The following CCDC102B variants were observed in gnomAD, a reference collection of about 807,000 sequenced individuals.
The protein encoded by CCDC102B is coiled-coil domain-containing protein 102B.
In CCDC102B, 75 loss-of-function variants were observed where a neutral mutation model predicts 57.4. That is an observed-to-expected ratio of 1.31 (90% CI 1.08 to 1.58). CCDC102B has a LOEUF of 1.58. Ranked by LOEUF, CCDC102B falls within the 40% of genes most tolerant of loss-of-function variation. CCDC102B has a pLI of 0.00. For synonymous variants in CCDC102B, 206 were observed against 201.9 expected (o/e 1.02, Z -0.17); for missense variants, 636 against 582.6 (o/e 1.09, Z -0.94).
At chr18:68,838,190 C>T (rs926589023) in intron 2 of CCDC102B, among the ~76,000 whole-genome samples, 3 of 152,142 alleles carry the variant, frequency 2.0e-5, no homozygotes, top group South Asian at 2.1e-4. Context: ...TTTATTAAAG[C>T]GCCCCATTAA....
intron 2 of CCDC102B, among the ~76,000 whole-genome samples, chr18:68,787,191 G>T (rs1431612735): frequency 1.3e-5 from 2 of 150,758 alleles, no homozygotes; most frequent in Non-Finnish European, 2.9e-5. Context: ...CTTGATCATG[G>T]TGGATAAGCT....
intron 7 of CCDC102B, among the ~76,000 whole-genome samples, chr18:69,051,263 T>C (rs555243721): frequency 1.3e-5 from 2 of 152,208 alleles, no homozygotes; most frequent in East Asian, 3.9e-4. Context: ...AACTTTAAAG[T>C]ATTACTTTTA....
chr18:68,883,145 G>T (rs1345776029), intron 5 of CCDC102B, among the ~76,000 whole-genome samples: 2 of 152,152 alleles, frequency 1.3e-5, no homozygotes, highest in Admixed American at 6.5e-5. Flanking sequence ...AAAAGGCTGG[G>T]CATGGTGGCT....
intron 4 of CCDC102B, among the ~76,000 whole-genome samples, chr18:68,873,614 A>G (rs2039319747): frequency 6.6e-6 from 1 of 152,062 alleles, no homozygotes; most frequent in Admixed American, 6.6e-5. Context: ...TACCTAACAT[A>G]TAGGATTACT....
chr18:68,951,506 C>T (rs959921927), intron 6 of CCDC102B, among the ~76,000 whole-genome samples: 8 of 152,012 alleles, frequency 5.3e-5, no homozygotes, highest in African/African-American at 1.9e-4. Context: ...TCCCTTTCTA[C>T]CTCATAAAAC....
chr18:68,917,363 A>G (rs2041111189), intron 6 of CCDC102B, among the ~76,000 whole-genome samples: 1 of 152,120 alleles, frequency 6.6e-6, no homozygotes, highest in South Asian at 2.1e-4. Flanking sequence ...CCTGGGGAGT[A>G]GCTGTGCTCA....
intron 6 of CCDC102B, among the ~76,000 whole-genome samples, chr18:68,940,362 T>C (rs1383373488): frequency 6.6e-6 from 1 of 151,862 alleles, no homozygotes; most frequent in Non-Finnish European, 1.5e-5. Context: ...AACATGCTTA[T>C]TTTCTTTTTT....
At chr18:69,010,285 A>G (rs960572146) in intron 6 of CCDC102B, among the ~76,000 whole-genome samples, 2 of 151,886 alleles carry the variant, frequency 1.3e-5, no homozygotes, top group African/African-American at 4.8e-5. Flanking sequence ...TTTATTTTAC[A>G]CTGTAAATTT....
intron 2 of CCDC102B, among the ~76,000 whole-genome samples, chr18:68,765,333 G>GAAAGA (rs2034412148): frequency 1.3e-5 from 1 of 75,846 alleles, no homozygotes; most frequent in Non-Finnish European, 2.8e-5. Context: ...AGGAAAGAAA[G>GAAAGA]AAAGAAAGAA....
Position 68,846,340 on chromosome 18 carries a change from A to G in CCDC102B, c.855A>G (p.Ile285Met). 1.3e-6 allele frequency: 2 copies of G among 1,576,938 alleles called. No individual in the cohort carries two copies. Among genetic ancestry groups the G allele is most frequent in the South Asian group, 2.3e-5 (2 of 85,504 alleles). Reference sequence around the variant, plus strand: ...TGCGCACAGCTTTGGAAAAAGAAATAGAGAGACTGGAGTCGGCTTTGTCTC... The same window carrying G: ...TGCGCACAGCTTTGGAAAAAGAAATGGAGAGACTGGAGTCGGCTTTGTCTC... ...REMRTALEKE[I>M]ERLESALSLW... Residue 285 changes from isoleucine to methionine, a missense_variant, in exon 4 of 8, where the codon ATA becomes ATG. Transcript: ENST00000360242.
intron 6 of CCDC102B, among the ~76,000 whole-genome samples, chr18:68,914,453 G>T (rs2040990828): frequency 5.9e-5 from 9 of 152,096 alleles, no homozygotes; most frequent in Admixed American, 5.2e-4. Context: ...GGTTGGAAAA[G>T]GAATGAATAC....
rs548901893 is a variant in CCDC102B at position 69,051,681 on chromosome 18, CA to C, written c.1435-2342del. 4.8e-3 allele frequency among the ~76,000 whole-genome samples: 730 copies of C among 151,340 alleles called. 3 individuals are homozygous for C. Among genetic ancestry groups the C allele is most frequent in the Non-Finnish European group, 7.0e-3 (473 of 67,762 alleles). On this transcript the variant is annotated intron_variant, in intron 7 of 7. Transcript: ENST00000360242. ...CAATGTGCAGGATCAAATAAATTAT[CA>C]AAAAAAGGGTTTGCTATCAGACTTT...
chr18:68,902,233 C>T (rs1397265339), intron 6 of CCDC102B: 1 of 152,170 alleles, frequency 6.6e-6, no homozygotes, highest in African/African-American at 2.4e-5. Flanking sequence ...AGCACAGGAT[C>T]TTTCCATAGG....
At chr18:68,926,138 A>C (rs373885891) in intron 6 of CCDC102B, among the ~76,000 whole-genome samples, 1 of 152,050 alleles carries the variant, frequency 6.6e-6, no homozygotes, top group East Asian at 1.9e-4. Flanking sequence ...ATATTTCATG[A>C]TTCTTTCTTA....
chr18:68,839,100 G>T, intron 3 of CCDC102B, 174 bp downstream of exon 3: 1 of 625,364 alleles, frequency 1.6e-6, no homozygotes, highest in East Asian at 2.8e-5. Context: ...TTAAAATGTA[G>T]TTTATAACTT....
intron 7 of CCDC102B, among the ~76,000 whole-genome samples, chr18:69,017,871 A>G (rs755327409): frequency 1.2e-4 from 19 of 152,156 alleles, no homozygotes; most frequent in Non-Finnish European, 2.4e-4. Flanking sequence ...GATTCTACAT[A>G]TGAACAGGAT....
chr18:68,765,316 G>GGAAAGAAAGAAA (rs1491473249), intron 2 of CCDC102B, among the ~76,000 whole-genome samples: 2 of 36,524 alleles, frequency 5.5e-5, no homozygotes, highest in African/African-American at 2.0e-4. Context: ...AAGGAAGGAA[G>GGAAAGAAAGAAA]GAAGGAAGGA....
At chr18:68,988,342 T>C (rs1284267380) in intron 6 of CCDC102B, among the ~76,000 whole-genome samples, 3 of 151,958 alleles carry the variant, frequency 2.0e-5, no homozygotes, top group Non-Finnish European at 4.4e-5. Context: ...GAGATAAACT[T>C]TGAGCACACC....
intron 6 of CCDC102B, among the ~76,000 whole-genome samples, chr18:68,929,259 A>C (rs527681745): frequency 1.3e-5 from 2 of 152,026 alleles, no homozygotes; most frequent in East Asian, 3.9e-4. Context: ...GGGGTGTTGA[A>C]GTCAGTAAAG....
Sources: allele counts gnomAD v4.1 joint callset (sites outside exome capture counted in the v4.1 genomes callset), GRCh38; gene constraint gnomAD v4.1.1; transcripts MANE v1.5; gene names NCBI Gene and HGNC (gene_info 2026-07-23, HGNC 2026-07-21).